Variants in OTOP1 observed in about 807,000 individuals in gnomAD.
OTOP1 encodes otopetrin 1, also known as proton channel OTOP1.
A neutral mutation model predicts 52.9 loss-of-function variants in OTOP1; 59 were observed. That is an observed-to-expected ratio of 1.12 (90% CI 0.91 to 1.39). The LOEUF (loss-of-function observed/expected upper bound fraction) is 1.39. OTOP1 is among the 40% of genes most tolerant of loss of function. OTOP1 has a pLI of 0.00. For synonymous variants in OTOP1, 317 were observed against 337.7 expected (o/e 0.94, Z 0.67); for missense variants, 761 against 800.9 (o/e 0.95, Z 0.60).
At chr4:4,201,469 TATACAC>T (rs1456172951) in intron 4 of OTOP1, among the ~76,000 whole-genome samples, 1 of 137,668 alleles carries the variant, frequency 7.3e-6, no homozygotes, top group Non-Finnish European at 1.6e-5. Flanking sequence ...AATATATATA[TATACAC>T]ACACACACAC....
At chr4:4,193,761 T>A (rs1716563946) in intron 5 of OTOP1, among the ~76,000 whole-genome samples, 2 of 152,216 alleles carry the variant, frequency 1.3e-5, no homozygotes, top group African/African-American at 4.8e-5. Flanking sequence ...GACCATCAGT[T>A]GCCACTTGAT....
intron 2 of OTOP1, among the ~76,000 whole-genome samples, chr4:4,206,365 G>T (rs186757855): frequency 1.3e-5 from 2 of 152,300 alleles, no homozygotes; most frequent in East Asian, 3.9e-4. Flanking sequence ...TGCTGCAATT[G>T]ATTAAGGATG....
In OTOP1 at chr4:4,226,911, G is replaced by T; in HGVS notation, c.-47C>A. 1 of 1,291,652 alleles carries T rather than the reference G, an allele frequency of 7.7e-7. No homozygotes were observed. The highest frequency in any genetic ancestry group is 9.8e-7 in the Non-Finnish European group (1 of 1,022,530). 80.0% of individuals were successfully genotyped at this position (1,291,652 alleles called of 1,614,324 possible). ...TCTGGTCCCGGGGGTGGCTGCCGTC[G>T]GGCCCCGCCTGCGCTCCTGGCTCCT... On this transcript the variant is annotated 5_prime_UTR_variant, in exon 1 of 6. Coordinates refer to ENST00000296358, the MANE Select transcript of OTOP1 (RefSeq NM_177998.3).
chr4:4,197,082 A>G (rs1716651030), intron 5 of OTOP1, 84 bp downstream of exon 5: 1 of 1,374,688 alleles, frequency 7.3e-7, no homozygotes, highest in South Asian at 1.4e-5. Context: ...TACCCATTTA[A>G]CAAATCTGCA....
At chr4:4,190,444 AGCCTG>A (rs1395330922) in intron 5 of OTOP1, among the ~76,000 whole-genome samples, 1 of 152,246 alleles carries the variant, frequency 6.6e-6, no homozygotes, top group Non-Finnish European at 1.5e-5. Context: ...ACTGCACTCC[AGCCTG>A]GGCAAACAGT....
chr4:4,194,244 A>C (rs113303516), intron 5 of OTOP1, among the ~76,000 whole-genome samples: 6,784 of 152,316 alleles, frequency 0.045, 525 homozygotes, highest in African/African-American at 0.15. Context: ...CATATGCTTG[A>C]GGAAGATTCT....
At chr4:4,206,498 A>C (rs1716910240) in intron 2 of OTOP1, among the ~76,000 whole-genome samples, 1 of 152,216 alleles carries the variant, frequency 6.6e-6, no homozygotes, top group South Asian at 2.1e-4. Context: ...TCATCTAAGA[A>C]ATATTCACTG....
At chr4:4,200,723 C>CCTTT (rs1716764531) in intron 4 of OTOP1, among the ~76,000 whole-genome samples, 2 of 106,518 alleles carry the variant, frequency 1.9e-5, no homozygotes, top group Non-Finnish European at 3.6e-5. Context: ...GCATGCCTGC[C>CCTTT]TTTTTTTTTT....
intron 1 of OTOP1, among the ~76,000 whole-genome samples, chr4:4,223,895 CAAA>C (rs869044378): frequency 1.9e-5 from 1 of 52,544 alleles, no homozygotes; most frequent in South Asian, 1.0e-3. Context: ...ATCTCAAAAA[CAAA>C]AACAAAAACA....
intron 1 of OTOP1, among the ~76,000 whole-genome samples, chr4:4,225,739 G>C (rs1485900582): frequency 1.3e-5 from 2 of 152,006 alleles, no homozygotes; most frequent in Non-Finnish European, 2.9e-5. Flanking sequence ...CACCCACTTC[G>C]TGCCAGGCCC....
At chr4:4,220,853 C>T (rs1717285047) in intron 1 of OTOP1, among the ~76,000 whole-genome samples, 2 of 152,040 alleles carry the variant, frequency 1.3e-5, no homozygotes, top group Non-Finnish European at 2.9e-5. Flanking sequence ...TTGAACCCCC[C>T]TCTTAGAGGT....
At chr4:4,198,681 T>C (rs1393598695) in intron 4 of OTOP1, among the ~76,000 whole-genome samples, 2 of 152,034 alleles carry the variant, frequency 1.3e-5, no homozygotes, top group Non-Finnish European at 2.9e-5. Flanking sequence ...ACAGGCGCCG[T>C]CCGATATCGG....
At chr4:4,215,001 C>G (rs1717108775) in intron 1 of OTOP1, among the ~76,000 whole-genome samples, 2 of 152,242 alleles carry the variant, frequency 1.3e-5, no homozygotes, top group East Asian at 1.9e-4. Flanking sequence ...TAAATTCTAG[C>G]CCAGGCATGG....
At chr4:4,193,505 C>T (rs1464626346) in intron 5 of OTOP1, among the ~76,000 whole-genome samples, 6 of 152,228 alleles carry the variant, frequency 3.9e-5, no homozygotes, top group Non-Finnish European at 7.3e-5. Flanking sequence ...CTGGAGAAGA[C>T]AGCTCTTGCT....
chr4:4,219,696 CA>C (rs71169623), intron 1 of OTOP1, among the ~76,000 whole-genome samples: 61 of 124,832 alleles, frequency 4.9e-4, no homozygotes, highest in Admixed American at 8.4e-4. Context: ...GACTCTGTCT[CA>C]AAAAAAAAAA....
At chr4:4,219,898 TAC>T (rs1430172786) in intron 1 of OTOP1, among the ~76,000 whole-genome samples, 6 of 145,984 alleles carry the variant, frequency 4.1e-5, no homozygotes, top group African/African-American at 1.5e-4. Flanking sequence ...CATATATGTA[TAC>T]ACATATATGT....
At chr4:4,213,617 C>T (rs1355991726) in intron 1 of OTOP1, among the ~76,000 whole-genome samples, 2 of 152,190 alleles carry the variant, frequency 1.3e-5, no homozygotes, top group African/African-American at 4.8e-5. Flanking sequence ...CGTCATGGCT[C>T]ATCCATACTG....
intron 2 of OTOP1, among the ~76,000 whole-genome samples, chr4:4,208,736 C>T (rs562055822): frequency 1.2e-4 from 18 of 148,810 alleles, no homozygotes; most frequent in East Asian, 9.8e-4. Flanking sequence ...CTGAAACGTA[C>T]GCTTAAAATA....
Position 4,197,559 on chromosome 4 carries a change from G to A in OTOP1, c.1275C>T (p.Asn425=). 1 of 1,614,092 alleles carries A rather than the reference G, an allele frequency of 6.2e-7. No homozygotes were observed. Among genetic ancestry groups the A allele is most frequent in the South Asian group, 1.1e-5 (1 of 91,060 alleles). The change falls in exon 5 of 6, where the codon AAC becomes AAT. Residue 425 remains asparagine (N), a synonymous_variant. Transcript: ENST00000296358. ...AEGHPRYTWY[N]LPYSILAIVE... Reference sequence around the variant, plus strand: ...CGATCGCCAGGATGGAGTAGGGCAGGTTGTACCAGGTGTAGCGGGGGTGGC... The same window carrying A: ...CGATCGCCAGGATGGAGTAGGGCAGATTGTACCAGGTGTAGCGGGGGTGGC...
Sources: gnomAD v4.1 joint callset for allele counts (sites outside exome capture counted in the v4.1 genomes callset) on GRCh38, gnomAD v4.1.1 for gene constraint, MANE v1.5 for transcripts, NCBI Gene and HGNC (gene_info 2026-07-23, HGNC 2026-07-21) for gene names.